GDI2: variants seen among roughly 807,000 people sequenced by gnomAD.
GDI2 encodes the protein GDP dissociation inhibitor 2.
In GDI2, 22 loss-of-function variants were observed where a neutral mutation model predicts 54.2. That is an observed-to-expected ratio of 0.41 (90% CI 0.29 to 0.58). The LOEUF (loss-of-function observed/expected upper bound fraction) is 0.58, where lower values mean the gene tolerates loss of function less well. Among genes scored for constraint, GDI2 ranks in the 20% least tolerant of loss-of-function variants. GDI2 has a pLI of 0.35. For missense variants in GDI2, 422 were observed against 546.0 expected (o/e 0.77, Z 2.26); for synonymous variants, 177 against 182.1 (o/e 0.97, Z 0.23).
chr10:5,775,429 A>G (rs1158346214), intron 6 of GDI2, among the ~76,000 whole-genome samples: 1 of 152,208 alleles, frequency 6.6e-6, no homozygotes, highest in Admixed American at 6.5e-5. Flanking sequence ...CCCCTCAGGC[A>G]GCAACTTCCC....
chr10:5,801,233 G>T (rs555923889), intron 1 of GDI2, among the ~76,000 whole-genome samples: 1 of 152,124 alleles, frequency 6.6e-6, no homozygotes, highest in Non-Finnish European at 1.5e-5. Context: ...GATTACAGGC[G>T]TAAGCCATCG....
chr10:5,791,378 G>A (rs1841008694), intron 4 of GDI2, among the ~76,000 whole-genome samples: 1 of 152,210 alleles, frequency 6.6e-6, no homozygotes, highest in Non-Finnish European at 1.5e-5. Flanking sequence ...GGGAGGCCAA[G>A]GTGGGCAGAT....
At chr10:5,804,498 T>G (rs1841334018) in intron 1 of GDI2, among the ~76,000 whole-genome samples, 1 of 152,164 alleles carries the variant, frequency 6.6e-6, no homozygotes, top group South Asian at 2.1e-4. Context: ...AGCACTCTCA[T>G]AATTTCTAAT....
At chr10:5,795,172 A>C (rs1455335987) in intron 3 of GDI2, among the ~76,000 whole-genome samples, 153 bp from the exon 4 acceptor site, 3 of 152,206 alleles carry the variant, frequency 2.0e-5, no homozygotes, top group Non-Finnish European at 2.9e-5. Context: ...TCTGTTGCCC[A>C]GGCTACAGTG....
intron 1 of GDI2, among the ~76,000 whole-genome samples, chr10:5,806,307 G>T (rs1210320781): frequency 6.6e-6 from 1 of 151,882 alleles, no homozygotes; most frequent in African/African-American, 2.4e-5. Context: ...GGGCATGGTG[G>T]CTCATGCCTA....
intron 4 of GDI2, 53 bp from the exon 5 acceptor site, chr10:5,786,103 G>T: frequency 1.7e-6 from 2 of 1,182,966 alleles, no homozygotes; most frequent in Non-Finnish European, 2.5e-6. Flanking sequence ...ACATTGAGGA[G>T]AACGAAGTAT....
At position 5,765,986 on chromosome 10, in the gene GDI2, CATA is replaced by C. The variant is rs748814803; in HGVS notation, c.*17_*19del. ...CCAAATTTTAAATGTGTCCTAATTA[CATA>C]ATAACATGTACTGCTGTTAGTCTTC... On this transcript the variant is annotated 3_prime_UTR_variant, in exon 11 of 11. Coordinates refer to ENST00000380191, the MANE Select transcript of GDI2 (RefSeq NM_001494.4). 37 of 1,551,280 alleles carry C rather than the reference CATA, an allele frequency of 2.4e-5. No individual in the cohort carries two copies. The highest frequency in any genetic ancestry group is 1.1e-4 in the Admixed American group (5 of 44,964).
intron 2 of GDI2, among the ~76,000 whole-genome samples, chr10:5,799,281 A>G (rs556563299): frequency 1.3e-5 from 2 of 152,250 alleles, no homozygotes; most frequent in South Asian, 4.1e-4. Flanking sequence ...AGGCTACAGC[A>G]AGCTACGATC....
intron 1 of GDI2, among the ~76,000 whole-genome samples, chr10:5,807,927 T>A (rs1841409247): frequency 6.6e-6 from 1 of 152,276 alleles, no homozygotes; most frequent in South Asian, 2.1e-4. Context: ...GTAACAATGG[T>A]ATGCTGAAAA....
chr10:5,772,696 G>A (rs1047232157), intron 7 of GDI2, among the ~76,000 whole-genome samples: 5 of 152,112 alleles, frequency 3.3e-5, no homozygotes, highest in African/African-American at 9.7e-5. Context: ...GGTGGAGGGT[G>A]AAGTGAGCTG....
At chr10:5,803,967 G>C (rs1268909896) in intron 1 of GDI2, among the ~76,000 whole-genome samples, 1 of 152,106 alleles carries the variant, frequency 6.6e-6, no homozygotes, top group South Asian at 2.1e-4. Flanking sequence ...TTTGAAACCC[G>C]TATTTTTAAA....
intron 5 of GDI2, 21 bp from the exon 6 acceptor site, chr10:5,785,294 A>C: frequency 1.3e-6 from 2 of 1,546,518 alleles, no homozygotes; most frequent in Non-Finnish European, 1.8e-6. Flanking sequence ...GGAAATGAGT[A>C]TTAGGAAAGG....
rs983959947 is a variant in GDI2 at position 5,796,707 on chromosome 10, T to C, written c.253+56A>G. ...ATAGTACTCTGTCAAAAGTTAGTTT[T>C]GATATTAAAATTGTAATCAAAGTAC... is the stretch of plus-strand genomic sequence containing the variant. On this transcript the variant is annotated intron_variant, in intron 3 of 10. Coordinates refer to ENST00000380191, the MANE Select transcript of GDI2 (RefSeq NM_001494.4). 1.3e-5 allele frequency: 11 copies of C among 879,940 alleles called. No individual in the cohort carries two copies. In the East Asian group the frequency reaches 2.7e-4, roughly 21 times the overall value. The allele number at this position is 879,940 out of a possible 1,614,324, so 54.5% of individuals were successfully genotyped here. A position where few individuals can be genotyped will look rare whatever the true frequency, so the allele number is the denominator to read the frequency against.
chr10:5,806,779 T>C (rs1841388582), intron 1 of GDI2, among the ~76,000 whole-genome samples: 1 of 152,140 alleles, frequency 6.6e-6, no homozygotes, highest in Non-Finnish European at 1.5e-5. Flanking sequence ...TTTACTATCT[T>C]AAAAATAAGT....
intron 4 of GDI2, among the ~76,000 whole-genome samples, chr10:5,794,185 AAAAATATATATATAT>A (rs1218005383): frequency 2.3e-4 from 11 of 46,868 alleles, no homozygotes; most frequent in African/African-American, 3.8e-4. Context: ...AAAAAAAAAA[AAAAATATATATATAT>A]ATATATATAT....
chr10:5,811,388 T>C lies in GDI2; in HGVS notation c.45+1826A>G, dbSNP rs139605182. Among the ~76,000 whole-genome samples, 1,418 of 152,278 alleles carry C rather than the reference T, an allele frequency of 9.3e-3. 11 individuals carry two copies. The highest frequency in any genetic ancestry group is 0.016 in the Non-Finnish European group (1,101 of 68,024). On this transcript the variant is annotated intron_variant, in intron 1 of 10. Transcript: ENST00000380191. ...GAAAATTTAAACAAAGCTCATTATC[T>C]TAACTTGTTATATAAAAACACTTTC...
At chr10:5,800,996 G>A (rs1395415315) in intron 1 of GDI2, among the ~76,000 whole-genome samples, 1 of 151,656 alleles carries the variant, frequency 6.6e-6, no homozygotes, top group African/African-American at 2.4e-5. Flanking sequence ...TCTTGCCCAG[G>A]CAGGAGTGCA....
At chr10:5,786,165 ATTT>A (rs35328258) in intron 4 of GDI2, 115 bp from the exon 5 acceptor site, 1,443 of 383,370 alleles carry the variant, frequency 3.8e-3, no homozygotes, top group Middle Eastern at 9.4e-3. Context: ...GCAGGATGCA[ATTT>A]TTTTTTTTTT....
chr10:5,786,410 G>A (rs1361637810), intron 4 of GDI2, among the ~76,000 whole-genome samples: 1 of 151,714 alleles, frequency 6.6e-6, no homozygotes, highest in Non-Finnish European at 1.5e-5. Flanking sequence ...CAGGTGATCC[G>A]CCCACCACGG....
Sources: allele counts gnomAD v4.1 joint callset (sites outside exome capture counted in the v4.1 genomes callset), GRCh38; gene constraint gnomAD v4.1.1; transcripts MANE v1.5; gene names NCBI Gene and HGNC (gene_info 2026-07-23, HGNC 2026-07-21).